Variants in STAB2 observed in about 807,000 individuals in gnomAD.
STAB2 encodes stabilin-2.
STAB2 carries 288 observed loss-of-function variants against 338.1 expected under a neutral mutation model. The ratio of observed to expected loss-of-function variants is 0.85; its 90% CI spans 0.77 to 0.94. The LOEUF (loss-of-function observed/expected upper bound fraction) is 0.94, where lower values mean the gene tolerates loss of function less well. Ranked by LOEUF, STAB2 falls within the 40% of genes least tolerant of loss-of-function variation. STAB2 has a pLI of 0.00. For synonymous variants in STAB2, 1,202 were observed against 1,193.3 expected, an observed-to-expected ratio of 1.01 and a Z score of -0.15; for missense variants, 3,141 against 3,210.1, an observed-to-expected ratio of 0.98 and a Z score of 0.52.
At chr12:103,643,592 G>A (rs1378246240) in intron 9 of STAB2, among the ~76,000 whole-genome samples, 3 of 152,132 alleles carry the variant, frequency 2.0e-5, no homozygotes, top group Non-Finnish European at 4.4e-5. Context: ...ACTGTGATAA[G>A]GATGTAGCAC....
At chr12:103,631,540 A>G in intron 5 of STAB2, 58 bp from the exon 6 acceptor site, 1 of 1,523,900 alleles carries the variant, frequency 6.6e-7, no homozygotes, top group Non-Finnish European at 9.1e-7. Context: ...CTAGCTTTCC[A>G]GAATGTTTAG....
chr12:103,638,263 T>C, intron 8 of STAB2, 51 bp downstream of exon 8: 10 of 1,557,854 alleles, frequency 6.4e-6, no homozygotes, highest in Non-Finnish European at 7.9e-6. Context: ...GACAAGCCAC[T>C]ATGTGTCACA....
intron 36 of STAB2, among the ~76,000 whole-genome samples, chr12:103,705,178 C>T (rs1879235172): frequency 6.6e-6 from 1 of 152,154 alleles, no homozygotes; most frequent in Non-Finnish European, 1.5e-5. Context: ...AAATTTTAAT[C>T]TATAACAACC....
At chr12:103,725,403 C>T (rs1469965440) in intron 45 of STAB2, among the ~76,000 whole-genome samples, 1 of 152,202 alleles carries the variant, frequency 6.6e-6, no homozygotes, top group Admixed American at 6.5e-5. Flanking sequence ...CTCTGTATAT[C>T]AATTTTCCAA....
At chr12:103,656,102 A>C (rs1874158563) in intron 15 of STAB2, among the ~76,000 whole-genome samples, 1 of 152,252 alleles carries the variant, frequency 6.6e-6, no homozygotes, top group South Asian at 2.1e-4. Flanking sequence ...CTAAAAGGGC[A>C]ATTATTGACT....
intron 27 of STAB2, among the ~76,000 whole-genome samples, chr12:103,686,084 A>G (rs1877406952): frequency 6.6e-6 from 1 of 152,226 alleles, no homozygotes; most frequent in Admixed American, 6.5e-5. Flanking sequence ...CCTATTGCTT[A>G]TAAATATTTG....
At chr12:103,661,921 A>G (rs536609082) in intron 17 of STAB2, among the ~76,000 whole-genome samples, 2 of 152,280 alleles carry the variant, frequency 1.3e-5, no homozygotes, top group African/African-American at 4.8e-5. Context: ...TGCATGGCCT[A>G]AGAAGTCAGG....
intron 11 of STAB2, among the ~76,000 whole-genome samples, chr12:103,652,234 T>A (rs1221433677): frequency 6.6e-6 from 1 of 152,250 alleles, no homozygotes; most frequent in African/African-American, 2.4e-5. Context: ...TCCTTGTTCC[T>A]CCTGGGGCCA....
Position 103,587,348 on chromosome 12 carries a change from A to T in STAB2, c.-129A>T. ...TATCTCCTGGTTCGATCTAGGAAAA[A>T]GGAAAGGAAGGGATTTAAAAGTAAA... On this transcript the variant is annotated 5_prime_UTR_variant, in exon 1 of 69. The change creates a new upstream start codon in the 5' untranslated region. Coordinates refer to ENST00000388887, the MANE Select transcript of STAB2 (RefSeq NM_017564.10). The T allele has an allele frequency of 1.3e-6, 1 of 780,050 alleles. No individual in the cohort carries two copies. Among genetic ancestry groups the T allele is most frequent in the Non-Finnish European group, 2.1e-6 (1 of 486,236 alleles). 48.3% of individuals were successfully genotyped at this position (780,050 alleles called of 1,614,324 possible).
At chr12:103,613,552 T>TG (rs1226131394) in intron 3 of STAB2, among the ~76,000 whole-genome samples, 1 of 152,152 alleles carries the variant, frequency 6.6e-6, no homozygotes, top group African/African-American at 2.4e-5. Context: ...AGTATCAGGG[T>TG]GGGGGTGACC....
rs10590444 is a variant in STAB2, at chr12:103,711,017, TTTATAA to T, written c.4289-448_4289-443del. Among the ~76,000 whole-genome samples, 1,470 of 151,598 alleles carry T rather than the reference TTTATAA, an allele frequency of 9.7e-3. 26 individuals are homozygous for T. The highest frequency in any genetic ancestry group is 0.033 in the African/African-American group (1,362 of 41,520). Reference sequence around the variant, plus strand: ...ATTTTCTGCACATGCAAAAAAATCTTTTATAATTATAGTTTTGCTTGTTTACAGCAC... The same window carrying T: ...ATTTTCTGCACATGCAAAAAAATCTTTTATAGTTTTGCTTGTTTACAGCAC... On this transcript the variant is annotated intron_variant, in intron 39 of 68. Transcript: ENST00000388887.
intron 30 of STAB2, among the ~76,000 whole-genome samples, chr12:103,692,236 C>G (rs1278183736): frequency 6.6e-6 from 1 of 152,194 alleles, no homozygotes; most frequent in Non-Finnish European, 1.5e-5. Context: ...GTAGCTGTCT[C>G]TGTACAAATT....
chr12:103,627,440 G>A (rs1208776464), intron 5 of STAB2, among the ~76,000 whole-genome samples: 2 of 152,202 alleles, frequency 1.3e-5, no homozygotes, highest in Non-Finnish European at 2.9e-5. Flanking sequence ...TGACCAGCAC[G>A]GCCATGGCTT....
intron 43 of STAB2, among the ~76,000 whole-genome samples, chr12:103,716,225 G>A (rs1880300800): frequency 6.6e-6 from 1 of 152,116 alleles, no homozygotes; most frequent in Non-Finnish European, 1.5e-5. Context: ...CTTTATCTTT[G>A]GCTTAAGGCT....
At chr12:103,590,844 T>C in intron 1 of STAB2, 53 bp from the exon 2 acceptor site, 1 of 1,610,386 alleles carries the variant, frequency 6.2e-7, no homozygotes, top group Non-Finnish European at 8.5e-7. Flanking sequence ...GCTAGATGTT[T>C]TGCAAGACTC....
chr12:103,685,482 A>C (rs1336612292), intron 27 of STAB2, among the ~76,000 whole-genome samples: 1 of 132,842 alleles, frequency 7.5e-6, no homozygotes, highest in Non-Finnish European at 1.7e-5. Flanking sequence ...GCGTGCGCGC[A>C]TGTGTGTGTG....
At chr12:103,677,728 G>A (rs139249516) in intron 25 of STAB2, 117 bp downstream of exon 25, 25 of 1,334,498 alleles carry the variant, frequency 1.9e-5, no homozygotes, top group African/African-American at 1.3e-4. Flanking sequence ...TCAGTCATTC[G>A]TGGCAGTGAA....
At position 103,655,393 on chromosome 12, in the gene STAB2, G is replaced by A. The variant is rs540021492; in HGVS notation, c.1609-63G>A. 244 of 1,603,018 alleles carry A rather than the reference G, an allele frequency of 1.5e-4. 3 individuals carry two copies. Among genetic ancestry groups the A allele is most frequent in the South Asian group, 1.2e-3 (110 of 88,856 alleles). ...GGGGTGTCAATTATAAATTTCTGGC[G>A]AATTATGTTAAATATTTGTCCAAGG... is the stretch of plus-strand genomic sequence containing the variant. On this transcript the variant is annotated intron_variant, in intron 14 of 68. Coordinates refer to ENST00000388887, the MANE Select transcript of STAB2 (RefSeq NM_017564.10).
intron 3 of STAB2, among the ~76,000 whole-genome samples, chr12:103,618,799 A>G (rs1957251174): frequency 6.6e-6 from 1 of 152,084 alleles, no homozygotes; most frequent in Non-Finnish European, 1.5e-5. Context: ...ATCCTTTATT[A>G]TTATTGATAT....
Sources: allele counts gnomAD v4.1 joint callset (sites outside exome capture counted in the v4.1 genomes callset), GRCh38; gene constraint gnomAD v4.1.1; transcripts MANE v1.5; gene names NCBI Gene and HGNC (gene_info 2026-07-23, HGNC 2026-07-21).